Variants in CDIN1 observed in about 807,000 individuals in gnomAD.
CDIN1 encodes the protein CDAN1 interacting nuclease 1, also known as CDAN1-interacting nuclease 1.
In CDIN1, 33 loss-of-function variants were observed where a neutral mutation model predicts 45.3. That is an observed-to-expected ratio of 0.73 (90% CI 0.55 to 0.97). The LOEUF (loss-of-function observed/expected upper bound fraction) is 0.97, where lower values mean the gene tolerates loss of function less well. CDIN1 is among the 50% of genes least tolerant of loss of function. CDIN1 has a pLI of 0.00. For missense variants in CDIN1, 303 were observed against 339.4 expected, an observed-to-expected ratio of 0.89 and a Z score of 0.84; for synonymous variants, 118 against 124.4, an observed-to-expected ratio of 0.95 and a Z score of 0.34.
intron 5 of CDIN1, among the ~76,000 whole-genome samples, chr15:36,664,383 A>G (rs1238250941): frequency 6.6e-6 from 1 of 152,236 alleles, no homozygotes; most frequent in Non-Finnish European, 1.5e-5. Flanking sequence ...ATTCTTAATT[A>G]TTCAAGTGTT....
intron 10 of CDIN1, among the ~76,000 whole-genome samples, chr15:36,801,805 A>G (rs1318153610): frequency 5.9e-5 from 9 of 152,178 alleles, no homozygotes; most frequent in Non-Finnish European, 1.3e-4. Context: ...AAAAGTAATT[A>G]TTTTCATTTC....
intron 5 of CDIN1, among the ~76,000 whole-genome samples, chr15:36,669,412 T>A (rs1233546419): frequency 1.3e-5 from 2 of 152,154 alleles, no homozygotes; most frequent in Non-Finnish European, 2.9e-5. Flanking sequence ...ATAGAAAGCT[T>A]TTACTTTTTT....
chr15:36,794,853 T>G (rs868584981), intron 10 of CDIN1, among the ~76,000 whole-genome samples: 40 of 152,188 alleles, frequency 2.6e-4, no homozygotes, highest in African/African-American at 8.4e-4. Flanking sequence ...GCAGCACTAT[T>G]CACAATAACA....
intron 1 of CDIN1, chr15:36,614,137 A>G: frequency 2.7e-6 from 2 of 735,906 alleles, no homozygotes; most frequent in East Asian, 5.2e-5. Context: ...GAAATGCACC[A>G]AAGAGGAGTA....
intron 10 of CDIN1, 128 bp from the exon 11 acceptor site, chr15:36,808,196 T>C (rs2055291308): frequency 1.5e-6 from 2 of 1,296,050 alleles, no homozygotes; most frequent in South Asian, 2.8e-5. Flanking sequence ...TCAGTCACAA[T>C]GGTAGCAACC....
intron 10 of CDIN1, among the ~76,000 whole-genome samples, chr15:36,786,826 C>G (rs2141071453): frequency 6.6e-6 from 1 of 152,244 alleles, no homozygotes; most frequent in Admixed American, 6.5e-5. Context: ...GCAGAGATGT[C>G]TTGCTCCTTA....
chr15:36,681,369 C>G (rs2041845739), intron 5 of CDIN1, among the ~76,000 whole-genome samples: 1 of 151,882 alleles, frequency 6.6e-6, no homozygotes, highest in African/African-American at 2.4e-5. Flanking sequence ...GGAAAGCATC[C>G]TTAATATGAC....
intron 8 of CDIN1, among the ~76,000 whole-genome samples, chr15:36,701,443 A>G (rs1361755073): frequency 6.6e-6 from 1 of 152,154 alleles, no homozygotes; most frequent in Non-Finnish European, 1.5e-5. Context: ...GGACAAAAAG[A>G]CAGGAAAGGA....
chr15:36,742,151 G>A (rs1463905580), intron 10 of CDIN1, among the ~76,000 whole-genome samples: 4 of 152,098 alleles, frequency 2.6e-5, no homozygotes, highest in Non-Finnish European at 5.9e-5. Flanking sequence ...AAACTAGTGT[G>A]TATATGTGAG....
chr15:36,694,089 ATGT>A (rs1478760141), intron 7 of CDIN1, among the ~76,000 whole-genome samples: 1 of 152,210 alleles, frequency 6.6e-6, no homozygotes, highest in Non-Finnish European at 1.5e-5. Context: ...CATTTCATAT[ATGT>A]TTATATCAAG....
intron 7 of CDIN1, chr15:36,696,391 C>T (rs1254103495): frequency 6.6e-6 from 1 of 152,188 alleles, no homozygotes; most frequent in Admixed American, 6.5e-5. Context: ...AGTTCAACAA[C>T]AGTCGACTGG....
At chr15:36,654,525 A>AC (rs2040705503) in intron 4 of CDIN1, among the ~76,000 whole-genome samples, 2 of 151,908 alleles carry the variant, frequency 1.3e-5, no homozygotes, top group African/African-American at 4.8e-5. Flanking sequence ...AAAAAAAAAA[A>AC]AAAAAAACTG....
intron 1 of CDIN1, chr15:36,640,782 T>G: frequency 2.7e-6 from 1 of 376,028 alleles, no homozygotes; most frequent in Non-Finnish European, 3.7e-6. Context: ...CCCAACTCTT[T>G]GAGGCTCTTT....
At chr15:36,685,511 T>G (rs2042008466) in intron 5 of CDIN1, among the ~76,000 whole-genome samples, 1 of 152,174 alleles carries the variant, frequency 6.6e-6, no homozygotes, top group Non-Finnish European at 1.5e-5. Flanking sequence ...TATGTGGTCA[T>G]GTCTAAAACA....
intron 10 of CDIN1, among the ~76,000 whole-genome samples, chr15:36,736,420 A>C (rs947089944): frequency 2.0e-5 from 3 of 152,090 alleles, no homozygotes. Flanking sequence ...CTACTCCCCA[A>C]CCCACTTAAT....
intron 3 of CDIN1, chr15:36,647,440 G>T (rs923260272): frequency 5.3e-5 from 8 of 152,160 alleles, no homozygotes; most frequent in African/African-American, 1.9e-4. Context: ...ATTATTTCGA[G>T]GAGTTACAGC....
At chr15:36,707,151 A>G (rs2042896878) in intron 8 of CDIN1, 3 of 152,186 alleles carry the variant, frequency 2.0e-5, no homozygotes, top group Admixed American at 6.5e-5. Flanking sequence ...CCCAATACAC[A>G]GCATTTTACA....
chr15:36,682,334 G>T (rs1015709067), intron 5 of CDIN1, among the ~76,000 whole-genome samples: 4 of 152,142 alleles, frequency 2.6e-5, no homozygotes. Flanking sequence ...AAGGCAGAAA[G>T]AATTCTGTCT....
chr15:36,763,301 G>C (rs1005147667), intron 10 of CDIN1, among the ~76,000 whole-genome samples: 3 of 152,176 alleles, frequency 2.0e-5, no homozygotes, highest in African/African-American at 7.2e-5. Flanking sequence ...CTTTTGAGAA[G>C]TGTCTGTTCA....
Sources: allele counts gnomAD v4.1 joint callset (sites outside exome capture counted in the v4.1 genomes callset), GRCh38; gene constraint gnomAD v4.1.1; transcripts MANE v1.5; gene names NCBI Gene and HGNC (gene_info 2026-07-23, HGNC 2026-07-21).